MIB1: variants seen among roughly 807,000 people sequenced by gnomAD.
The protein encoded by MIB1 is E3 ubiquitin-protein ligase MIB1.
A neutral mutation model predicts 124.5 loss-of-function variants in MIB1; 278 were observed. The ratio of observed to expected loss-of-function variants is 2.23; its 90% CI spans 2.02 to 2.47. MIB1 has a LOEUF of 2.47. Among genes scored for constraint, MIB1 ranks in the 30% most tolerant of loss-of-function variants. The pLI, the probability that MIB1 is intolerant of heterozygous loss-of-function variation, is 0.00. For synonymous variants in MIB1, 446 were observed against 429.4 expected (o/e 1.04, Z -0.48); for missense variants, 957 against 1,254.4 (o/e 0.76, Z 3.58).
chr18:21,770,954 A>C (rs1013721230), intron 3 of MIB1, among the ~76,000 whole-genome samples: 4 of 152,162 alleles, frequency 2.6e-5, no homozygotes, highest in African/African-American at 9.7e-5. Context: ...TTAGATCTAG[A>C]GGCTTGATTA....
At chr18:21,714,220 G>A (rs916179593) in intron 1 of MIB1, among the ~76,000 whole-genome samples, 1 of 152,134 alleles carries the variant, frequency 6.6e-6, no homozygotes, top group African/African-American at 2.4e-5. Flanking sequence ...CCTCCTCCCT[G>A]CCTACGTAAC....
intron 19 of MIB1, among the ~76,000 whole-genome samples, chr18:21,857,518 T>G (rs2042240114): frequency 6.6e-6 from 1 of 152,218 alleles, no homozygotes; most frequent in South Asian, 2.1e-4. Flanking sequence ...TAAAGAAAAT[T>G]TGTGCTCTAT....
Position 21,741,801 on chromosome 18 carries a change from GC to G in MIB1, c.219del (p.Ser73ArgfsTer48), listed in dbSNP as rs780450526. On this transcript the variant is annotated frameshift_variant, in exon 1 of 21. Coordinates refer to ENST00000261537, the MANE Select transcript of MIB1 (RefSeq NM_020774.4). LOFTEE classifies it high-confidence loss of function. This position sits in a 1 kb window ranked among gnomAD's most constrained non-coding sequence, Gnocchi z 5.4. The stretch of plus-strand genomic sequence containing the variant: ...GCTTACGACCTCCGCATCCTGGACA[GC>G]GCGCCCACCGGTAAGCCGCGGCCAC... The part of the protein sequence containing the change: ...SGAYDLRILD[S>X]APTGIKHDGT... The G allele has an allele frequency of 6.2e-7, 1 of 1,601,246 alleles. No homozygotes were observed. Among genetic ancestry groups the G allele is most frequent in the South Asian group, 1.1e-5 (1 of 89,408 alleles).
rs74843498 is a variant in MIB1, at chr18:21,718,823, G to A, written n.167+13700G>A. On this transcript the variant is annotated intron_variant and non_coding_transcript_variant, in intron 1 of 20. Transcript: ENST00000578646. ...TGCCTGTAATCCCGACCCATTGGGA[G>A]GGTTATGAGGTGAGGCCAAGAGTTC... 9.7e-3 allele frequency among the ~76,000 whole-genome samples: 1,482 copies of A among 152,266 alleles called. 22 individuals are homozygous for A. Among genetic ancestry groups the A allele is most frequent in the African/African-American group, 0.033 (1,364 of 41,540 alleles).
chr18:21,775,069 C>T (rs562280720), intron 4 of MIB1, among the ~76,000 whole-genome samples: 41 of 152,152 alleles, frequency 2.7e-4, no homozygotes, highest in Non-Finnish European at 5.0e-4. Context: ...CCTCAGCCTT[C>T]CTAGTAGCTG....
At chr18:21,706,640 A>T (rs4505433) in intron 1 of MIB1, among the ~76,000 whole-genome samples, 25,427 of 152,054 alleles carry the variant, frequency 0.17, 2,573 homozygotes, top group Middle Eastern at 0.27. Context: ...GGCCCTGGCC[A>T]GTGAGGGGCT....
intron 3 of MIB1, among the ~76,000 whole-genome samples, chr18:21,772,817 C>T (rs2041237849): frequency 6.6e-6 from 1 of 152,086 alleles, no homozygotes; most frequent in African/African-American, 2.4e-5. Flanking sequence ...GTTGGAGGAG[C>T]AAAAGCAACT....
intron 12 of MIB1, among the ~76,000 whole-genome samples, chr18:21,832,386 A>G (rs887203287): frequency 2.0e-5 from 3 of 152,192 alleles, no homozygotes; most frequent in Non-Finnish European, 4.4e-5. Flanking sequence ...CTATAACTCT[A>G]TTACATAGTA....
chr18:21,790,302 A>G (rs919257167), intron 6 of MIB1, among the ~76,000 whole-genome samples: 5 of 152,218 alleles, frequency 3.3e-5, no homozygotes, highest in Non-Finnish European at 1.5e-5. Context: ...ATACGCAGGA[A>G]TGGTCTTTAC....
chr18:21,816,865 G>A (rs1194928102), intron 11 of MIB1, among the ~76,000 whole-genome samples: 1 of 152,066 alleles, frequency 6.6e-6, no homozygotes, highest in South Asian at 2.1e-4. Flanking sequence ...TAAGTGGGAG[G>A]CAGGATTGGA....
chr18:21,837,665 A>G (rs907647766), intron 12 of MIB1, among the ~76,000 whole-genome samples: 3 of 152,144 alleles, frequency 2.0e-5, no homozygotes, highest in Non-Finnish European at 2.9e-5. Flanking sequence ...TCTCTTTTGT[A>G]TAACTTTCTC....
chr18:21,729,880 T>G (rs1412630146), intron 1 of MIB1, among the ~76,000 whole-genome samples: 2 of 152,192 alleles, frequency 1.3e-5, no homozygotes, highest in Non-Finnish European at 2.9e-5. Context: ...ACATTGGAGA[T>G]TAAGTGTCAA....
In MIB1 at chr18:21,867,851, G is replaced by A. The variant is rs1195919506; in HGVS notation, c.*3185G>A. 3 of 152,414 alleles carry A rather than the reference G, an allele frequency of 2.0e-5. No individual in the cohort carries two copies. The highest frequency in any genetic ancestry group is 4.4e-5 in the Non-Finnish European group (3 of 67,916). 9.4% of individuals were successfully genotyped at this position (152,414 alleles called of 1,614,324 possible). On this transcript the variant is annotated 3_prime_UTR_variant, in exon 21 of 21. Transcript: ENST00000261537. ...GAATTCTGGACCCTTTTTGGACTAAGAATTAGTTAAATTCATGAACTAAGA... is the reference window on the plus strand; with the variant it reads ...GAATTCTGGACCCTTTTTGGACTAAAAATTAGTTAAATTCATGAACTAAGA...
At position 21,870,331 on chromosome 18, in the gene MIB1, C is replaced by T. The variant is rs1344192205; in HGVS notation, c.*5665C>T. On this transcript the variant is annotated 3_prime_UTR_variant, in exon 21 of 21. Transcript: ENST00000261537. ...TTTAAGAAACAAGGATGTACATCTT[C>T]AATTCAGCATAAGTGTCCACATCTA... 6.6e-6 allele frequency: 1 copy of T among 152,096 alleles called. No individual in the cohort carries two copies. The highest frequency in any genetic ancestry group is 1.5e-5 in the Non-Finnish European group (1 of 67,992). The allele number at this position is 152,096 out of a possible 1,614,324, so 9.4% of individuals were successfully genotyped here. A position where few individuals can be genotyped will look rare whatever the true frequency, so the allele number is the denominator to read the frequency against.
intron 4 of MIB1, among the ~76,000 whole-genome samples, chr18:21,776,256 G>C (rs1241606995): frequency 7.8e-6 from 1 of 128,918 alleles, no homozygotes; most frequent in Non-Finnish European, 1.6e-5. Flanking sequence ...GCAACAGAGA[G>C]AGACCCTGTC....
At chr18:21,860,384 A>G (rs2042266810) in intron 20 of MIB1, among the ~76,000 whole-genome samples, 3 of 152,030 alleles carry the variant, frequency 2.0e-5, no homozygotes, top group African/African-American at 7.2e-5. Flanking sequence ...TACAGGCGTG[A>G]GTCACTGTGC....
At chr18:21,819,200 G>A (rs902746312) in intron 11 of MIB1, among the ~76,000 whole-genome samples, 1 of 152,124 alleles carries the variant, frequency 6.6e-6, no homozygotes, top group Non-Finnish European at 1.5e-5. Context: ...GCCGTGCCCG[G>A]CTAATTTTTA....
intron 3 of MIB1, among the ~76,000 whole-genome samples, chr18:21,770,260 A>G (rs2041209974): frequency 6.6e-6 from 1 of 152,230 alleles, no homozygotes; most frequent in Non-Finnish European, 1.5e-5. Flanking sequence ...CATCTTGTAC[A>G]TGTGACTCCA....
At chr18:21,758,842 A>AT (rs34518222) in intron 1 of MIB1, among the ~76,000 whole-genome samples, 1 of 151,926 alleles carries the variant, frequency 6.6e-6, no homozygotes, top group East Asian at 1.9e-4. Flanking sequence ...TGACTTATAA[A>AT]TTTTTTTTGA....
Sources: allele counts gnomAD v4.1 joint callset (sites outside exome capture counted in the v4.1 genomes callset), GRCh38; gene constraint gnomAD v4.1.1; non-coding constraint Gnocchi (gnomAD v3.1); transcripts MANE v1.5; gene names NCBI Gene and HGNC (gene_info 2026-07-23, HGNC 2026-07-21).